ODAD2: variants seen among roughly 807,000 people sequenced by gnomAD.
ODAD2 encodes the protein outer dynein arm-docking complex subunit 2.
A neutral mutation model predicts 106.8 loss-of-function variants in ODAD2; 89 were observed. That is an observed-to-expected ratio of 0.83 (90% CI 0.70 to 0.99). ODAD2 has a LOEUF of 0.99. Ranked by LOEUF, ODAD2 falls within the 50% of genes least tolerant of loss-of-function variation. The pLI is 0.00. For missense variants in ODAD2, 1,168 were observed against 1,238.5 expected (o/e 0.94, Z 0.85); for synonymous variants, 404 against 436.2 (o/e 0.93, Z 0.92).
intron 17 of ODAD2, among the ~76,000 whole-genome samples, chr10:27,870,837 C>T (rs1473046758): frequency 6.6e-6 from 1 of 152,068 alleles, no homozygotes; most frequent in Non-Finnish European, 1.5e-5. Flanking sequence ...GTCTTTATAG[C>T]AACATGATTC....
chr10:27,907,841 G>T, intron 16 of ODAD2, 64 bp from the exon 17 acceptor site: 2 of 1,095,362 alleles, frequency 1.8e-6, no homozygotes, highest in South Asian at 1.4e-5. Flanking sequence ...ACATTTTAAT[G>T]ACCCACTTAT....
intron 7 of ODAD2, among the ~76,000 whole-genome samples, chr10:27,979,135 G>A (rs1046794429): frequency 2.6e-5 from 4 of 151,214 alleles, no homozygotes; most frequent in East Asian, 2.0e-4. Flanking sequence ...ACTTGAACCC[G>A]GGAGGGGAGG....
intron 16 of ODAD2, among the ~76,000 whole-genome samples, chr10:27,927,931 T>A (rs895692730): frequency 5.9e-5 from 9 of 152,136 alleles, no homozygotes; most frequent in Non-Finnish European, 1.0e-4. Context: ...CAAATATTCA[T>A]AATATTATAC....
chr10:27,935,276 A>G, intron 15 of ODAD2, 24 bp from the exon 16 acceptor site: 1 of 1,611,632 alleles, frequency 6.2e-7, no homozygotes, highest in Admixed American at 1.7e-5. Flanking sequence ...AAGAAAGAGG[A>G]GAATTGGTTT....
At chr10:27,950,233 C>T (rs1003667170) in intron 10 of ODAD2, among the ~76,000 whole-genome samples, 1 of 152,180 alleles carries the variant, frequency 6.6e-6, no homozygotes, top group East Asian at 1.9e-4. Context: ...TCACAGAGGA[C>T]CTGGTGCCCA....
intron 6 of ODAD2, 56 bp downstream of exon 6, chr10:27,983,787 T>A (rs1254091454): frequency 1.3e-6 from 2 of 1,531,808 alleles, no homozygotes; most frequent in Non-Finnish European, 1.8e-6. Flanking sequence ...TTGAGACATC[T>A]ACAGCTAACA....
chr10:27,873,041 T>A (rs984328954), intron 17 of ODAD2, among the ~76,000 whole-genome samples: 25 of 135,100 alleles, frequency 1.9e-4, no homozygotes, highest in African/African-American at 6.2e-4. Context: ...AGAGCAACAA[T>A]TGGTCTATTG....
chr10:27,912,347 C>T (rs745321357), intron 16 of ODAD2, among the ~76,000 whole-genome samples: 1 of 152,092 alleles, frequency 6.6e-6, no homozygotes, highest in Non-Finnish European at 1.5e-5. Flanking sequence ...AATCAAACTG[C>T]CTGGCTGGCA....
chr10:27,935,362 A>G (rs1158671835), intron 15 of ODAD2, 110 bp from the exon 16 acceptor site: 12 of 1,360,298 alleles, frequency 8.8e-6, no homozygotes, highest in Middle Eastern at 2.1e-4. Flanking sequence ...ATATTATTAA[A>G]TCCCCATTAC....
intron 19 of ODAD2, among the ~76,000 whole-genome samples, chr10:27,835,123 C>T (rs2133048046): frequency 6.6e-6 from 1 of 152,302 alleles, no homozygotes; most frequent in East Asian, 1.9e-4. Context: ...ACTCTCAAGG[C>T]CGGCACAGTC....
chr10:27,966,392 G>T (rs1189080492), intron 9 of ODAD2, among the ~76,000 whole-genome samples: 1 of 152,148 alleles, frequency 6.6e-6, no homozygotes, highest in African/African-American at 2.4e-5. Flanking sequence ...CAAGCTCCTG[G>T]AGTTCAGGGC....
chr10:27,892,458 T>G lies in ODAD2; in HGVS notation c.2610+15205A>C, dbSNP rs185303321. 5.6e-3 allele frequency among the ~76,000 whole-genome samples: 846 copies of G among 152,306 alleles called. 6 individuals carry two copies. Among genetic ancestry groups the G allele is most frequent in the African/African-American group, 0.019 (802 of 41,568 alleles). ...ACAAAGTGATCTTTGTAAAACAGAC[T>G]CTCATTTCACACTCCGATTTTCCTA... On this transcript the variant is annotated intron_variant, in intron 17 of 19. Transcript: ENST00000305242.
intron 18 of ODAD2, among the ~76,000 whole-genome samples, chr10:27,861,594 A>G (rs1230599927): frequency 2.0e-5 from 3 of 152,246 alleles, no homozygotes; most frequent in African/African-American, 7.2e-5. Context: ...TATCAGTAAT[A>G]CACCTTGGTT....
chr10:27,831,174 C>G (rs367977565), intron 19 of ODAD2, among the ~76,000 whole-genome samples: 1 of 152,188 alleles, frequency 6.6e-6, no homozygotes, highest in African/African-American at 2.4e-5. Flanking sequence ...GCAGATAATG[C>G]TACCTCGGCC....
At chr10:27,833,841 G>A (rs1224313763) in intron 19 of ODAD2, among the ~76,000 whole-genome samples, 3 of 152,204 alleles carry the variant, frequency 2.0e-5, no homozygotes, top group African/African-American at 4.8e-5. Context: ...ACTACAGACA[G>A]CAAGGTAAAG....
At chr10:27,819,866 T>C (rs1836464368) in intron 19 of ODAD2, among the ~76,000 whole-genome samples, 1 of 151,876 alleles carries the variant, frequency 6.6e-6, no homozygotes, top group Admixed American at 6.6e-5. Context: ...AAAAATACTT[T>C]CAAGTGCTAT....
At chr10:27,926,528 G>C (rs1183738061) in intron 16 of ODAD2, among the ~76,000 whole-genome samples, 1 of 152,102 alleles carries the variant, frequency 6.6e-6, no homozygotes, top group Non-Finnish European at 1.5e-5. Context: ...ATCTGGACTT[G>C]AATAATGGAA....
At chr10:27,912,554 T>C (rs549315526) in intron 16 of ODAD2, among the ~76,000 whole-genome samples, 2 of 152,190 alleles carry the variant, frequency 1.3e-5, no homozygotes, top group Non-Finnish European at 2.9e-5. Flanking sequence ...GAACAGTTTG[T>C]GCCCATACTG....
At chr10:27,914,650 A>T (rs1011832482) in intron 16 of ODAD2, among the ~76,000 whole-genome samples, 11 of 152,090 alleles carry the variant, frequency 7.2e-5, no homozygotes, top group Non-Finnish European at 1.6e-4. Flanking sequence ...GGAGAAATAT[A>T]GCATTTCCAT....
Sources: allele counts gnomAD v4.1 joint callset (sites outside exome capture counted in the v4.1 genomes callset), GRCh38; gene constraint gnomAD v4.1.1; transcripts MANE v1.5; gene names NCBI Gene and HGNC (gene_info 2026-07-23, HGNC 2026-07-21).